KLF12: variants seen among roughly 807,000 people sequenced by gnomAD.
KLF12 encodes KLF transcription factor 12.
Under a neutral mutation model 37.8 loss-of-function variants are expected in KLF12, and 9 were observed. That is an observed-to-expected ratio of 0.24 (90% CI 0.14 to 0.42). The LOEUF (loss-of-function observed/expected upper bound fraction) is 0.42, where lower values mean the gene tolerates loss of function less well. Ranked by LOEUF, KLF12 falls within the 10% of genes least tolerant of loss-of-function variation. The pLI, the probability that KLF12 is intolerant of heterozygous loss-of-function variation, is 1.00. For missense variants in KLF12, 411 were observed against 516.0 expected (o/e 0.80, Z 1.97); for synonymous variants, 208 against 202.1 (o/e 1.03, Z -0.25).
At chr13:73,930,860 ATTTT>A (rs11432866) in intron 3 of KLF12, among the ~76,000 whole-genome samples, 3 of 109,470 alleles carry the variant, frequency 2.7e-5, no homozygotes, top group Admixed American at 1.1e-4. Flanking sequence ...AACTGGAAAC[ATTTT>A]TTTTTTTTTT....
Position 73,747,326 on chromosome 13 carries a change from C to T in KLF12, c.869+17612G>A, listed in dbSNP as rs59324206. Among the ~76,000 whole-genome samples, 1,306 of 151,880 alleles carry T rather than the reference C, an allele frequency of 8.6e-3. 13 individuals are homozygous for T. Among genetic ancestry groups the T allele is most frequent in the African/African-American group, 0.03 (1,250 of 41,402 alleles). On this transcript the variant is annotated intron_variant, in intron 6 of 7. Coordinates refer to ENST00000377669, the MANE Select transcript of KLF12 (RefSeq NM_007249.5). Reference sequence around the variant, plus strand: ...AGCAAAGAGGTGAGTGTTTTAGCTACGGAGAAGGCTGTTATCAAGGGAGAA... The same window carrying T: ...AGCAAAGAGGTGAGTGTTTTAGCTATGGAGAAGGCTGTTATCAAGGGAGAA...
chr13:74,048,030 G>A (rs1337360670), intron 1 of KLF12, among the ~76,000 whole-genome samples: 2 of 152,216 alleles, frequency 1.3e-5, no homozygotes, highest in Non-Finnish European at 2.9e-5. Flanking sequence ...ACCATGCCCA[G>A]GGTGGGACAC....
At chr13:73,889,650 C>T (rs1324680379) in intron 3 of KLF12, among the ~76,000 whole-genome samples, 1 of 151,890 alleles carries the variant, frequency 6.6e-6, no homozygotes, top group African/African-American at 2.4e-5. Context: ...TACTTTTTAC[C>T]CAAAAGGACC....
chr13:73,700,018 C>A (rs1874428997), intron 7 of KLF12, among the ~76,000 whole-genome samples: 1 of 152,066 alleles, frequency 6.6e-6, no homozygotes, highest in Admixed American at 6.6e-5. Flanking sequence ...GTAATCCCAG[C>A]ACTTAGGGAG....
At chr13:74,288,214 A>T in the KLF12 span, among the ~76,000 whole-genome samples, 1 of 152,222 alleles carries the variant, frequency 6.6e-6, no homozygotes, top group Non-Finnish European at 1.5e-5. Flanking sequence ...CAGACAAACT[A>T]AAGAGGTAAG....
intron 3 of KLF12, among the ~76,000 whole-genome samples, chr13:73,881,264 G>T (rs959756026): frequency 6.6e-6 from 1 of 152,060 alleles, no homozygotes; most frequent in African/African-American, 2.4e-5. Context: ...CTATTTTTCT[G>T]TAAAAGATAA....
intron 1 of KLF12, among the ~76,000 whole-genome samples, chr13:74,127,947 A>G (rs539635542): frequency 2.6e-5 from 4 of 152,300 alleles, no homozygotes; most frequent in Admixed American, 6.5e-5. Flanking sequence ...TAATAATTCT[A>G]TTTTTAAAAT....
At chr13:74,188,782 G>A in the KLF12 span, among the ~76,000 whole-genome samples, 29 of 152,106 alleles carry the variant, frequency 1.9e-4, no homozygotes, top group African/African-American at 7.0e-4. Context: ...GATCACTTGA[G>A]GCCAGGAGTT....
intron 2 of KLF12, among the ~76,000 whole-genome samples, chr13:73,952,179 T>C (rs1387033111): frequency 6.6e-6 from 1 of 152,096 alleles, no homozygotes; most frequent in Non-Finnish European, 1.5e-5. Flanking sequence ...TCATGAAGGG[T>C]TGTATCAGTC....
intron 3 of KLF12, among the ~76,000 whole-genome samples, chr13:73,886,923 C>T (rs1374998873): frequency 7.4e-5 from 11 of 147,750 alleles, no homozygotes; most frequent in Non-Finnish European, 1.2e-4. Context: ...ACCCGGGAGG[C>T]GGAGGTTGCT....
chr13:73,960,447 C>A, intron 2 of KLF12: 2 of 221,094 alleles, frequency 9.0e-6, no homozygotes, highest in Admixed American at 4.8e-5. Context: ...CTTGACAGTT[C>A]AAAATGTGAG....
chr13:73,861,526 A>G (rs1047944022), intron 3 of KLF12, among the ~76,000 whole-genome samples: 3 of 152,230 alleles, frequency 2.0e-5, no homozygotes, highest in Non-Finnish European at 4.4e-5. Flanking sequence ...GACACTGAGC[A>G]ACATCTGAAG....
chr13:73,918,909 G>A (rs1382860912), intron 3 of KLF12, among the ~76,000 whole-genome samples: 1 of 152,144 alleles, frequency 6.6e-6, no homozygotes, highest in Non-Finnish European at 1.5e-5. Context: ...CCAAAGTTCT[G>A]AAGACCTGAA....
At chr13:74,141,906 C>T in the KLF12 span, among the ~76,000 whole-genome samples, 1 of 151,976 alleles carries the variant, frequency 6.6e-6, no homozygotes, top group African/African-American at 2.4e-5. Context: ...TGTTTTAGTC[C>T]TAATCAGTCC....
intron 2 of KLF12, among the ~76,000 whole-genome samples, chr13:73,978,647 C>A (rs763219744): frequency 2.6e-5 from 4 of 152,102 alleles, no homozygotes; most frequent in African/African-American, 9.7e-5. Flanking sequence ...GCTTAATGAT[C>A]TAGTAATCTT....
intron 3 of KLF12, among the ~76,000 whole-genome samples, chr13:73,923,906 A>G (rs1423959568): frequency 2.0e-5 from 3 of 152,244 alleles, no homozygotes; most frequent in East Asian, 3.8e-4. Flanking sequence ...CTGATCATCA[A>G]TACCATGCAG....
intron 6 of KLF12, among the ~76,000 whole-genome samples, chr13:73,729,422 C>A (rs1253208896): frequency 1.3e-5 from 2 of 152,106 alleles, no homozygotes; most frequent in Non-Finnish European, 2.9e-5. Flanking sequence ...CAAACATAAG[C>A]TTAGAAGATT....
At chr13:73,852,716 G>A (rs1341882986) in intron 3 of KLF12, among the ~76,000 whole-genome samples, 1 of 151,988 alleles carries the variant, frequency 6.6e-6, no homozygotes, top group Non-Finnish European at 1.5e-5. Flanking sequence ...GGCAGAGGTT[G>A]TGGTGAGCCG....
At chr13:73,885,796 G>A (rs1223628967) in intron 3 of KLF12, among the ~76,000 whole-genome samples, 1 of 152,182 alleles carries the variant, frequency 6.6e-6, no homozygotes, top group Non-Finnish European at 1.5e-5. Flanking sequence ...TGAAGGGAGT[G>A]ACAGCAGAAG....
Sources: gnomAD v4.1 joint callset for allele counts (sites outside exome capture counted in the v4.1 genomes callset) on GRCh38, gnomAD v4.1.1 for gene constraint, MANE v1.5 for transcripts, NCBI Gene and HGNC (gene_info 2026-07-23, HGNC 2026-07-21) for gene names.